Variants in FAM184A observed in about 807,000 individuals in gnomAD.
FAM184A encodes protein FAM184A.
In FAM184A, 99 loss-of-function variants were observed where a neutral mutation model predicts 143.8. The observed-to-expected ratio is 0.69, with a 90% CI of 0.58 to 0.81. The LOEUF (loss-of-function observed/expected upper bound fraction) is 0.81, where lower values mean the gene tolerates loss of function less well. Among genes scored for constraint, FAM184A ranks in the 40% least tolerant of loss-of-function variants. The pLI, the probability that FAM184A is intolerant of heterozygous loss-of-function variation, is 0.00. For missense variants in FAM184A, 1,217 were observed against 1,310.5 expected (o/e 0.93, Z 1.10); for synonymous variants, 427 against 446.4 (o/e 0.96, Z 0.55).
intron 1 of FAM184A, among the ~76,000 whole-genome samples, chr6:119,115,686 G>T (rs1194476915): frequency 6.6e-6 from 1 of 152,006 alleles, no homozygotes; most frequent in Non-Finnish European, 1.5e-5. Flanking sequence ...TATATGGCAG[G>T]GTGTGGTGGC....
In FAM184A at chr6:119,051,592, G is replaced by A. The variant is rs1408947445; in HGVS notation, c.159+26549C>T. On this transcript the variant is annotated intron_variant, in intron 1 of 17. Transcript: ENST00000338891. ...ATAGATACTCCATTTTCATTGACAT[G>A]CTTATTTCATATTGCATCAAAACAT... 2.6e-5 allele frequency among the ~76,000 whole-genome samples: 4 copies of A among 152,046 alleles called. 1 individual carries two copies. The South Asian group carries it at 8.3e-4, about 32-fold the overall frequency.
intron 5 of FAM184A, among the ~76,000 whole-genome samples, chr6:119,014,830 G>A (rs1175348817): frequency 6.6e-6 from 1 of 152,100 alleles, no homozygotes; most frequent in African/African-American, 2.4e-5. Context: ...AGGCTGAGGT[G>A]GGAGGATCAC....
In FAM184A at chr6:118,964,646, TAC is replaced by T; in HGVS notation, c.3138+19_3138+20del. 1 of 1,348,356 alleles carries T rather than the reference TAC, an allele frequency of 7.4e-7. No homozygotes were observed. Among genetic ancestry groups the T allele is most frequent in the East Asian group, 2.3e-5 (1 of 43,350 alleles). 83.5% of individuals were successfully genotyped at this position (1,348,356 alleles called of 1,614,324 possible). On this transcript the variant is annotated intron_variant, in intron 16 of 17. Transcript: ENST00000338891. ...CAACTTTTAAACCACATTCCTATTC[TAC>T]AGTGTTTACGGCACATACCTTAGCC...
intron 9 of FAM184A, among the ~76,000 whole-genome samples, chr6:118,984,833 T>G (rs752590662): frequency 6.6e-6 from 1 of 152,242 alleles, no homozygotes; most frequent in Non-Finnish European, 1.5e-5. Flanking sequence ...ATAAAGACAG[T>G]TGCCTGTGCC....
Position 119,011,298 on chromosome 6 carries a change from A to C in FAM184A, c.1653+11T>G. 6.2e-7 allele frequency: 1 copy of C among 1,606,672 alleles called. No homozygotes were observed. The highest frequency in any genetic ancestry group is 8.5e-7 in the Non-Finnish European group (1 of 1,176,646). On this transcript the variant is annotated intron_variant, in intron 6 of 17. Transcript: ENST00000338891. ...TCTATAACATAGGCAACAGGTCTAA[A>C]GAATTCTTGCCTCTTGATTGGCTGT...
intron 17 of FAM184A, chr6:118,960,713 T>C (rs1426601796): frequency 4.4e-6 from 4 of 910,206 alleles, no homozygotes; most frequent in Non-Finnish European, 6.4e-6. Context: ...TTTATACTTT[T>C]CTTAATTCTA....
In FAM184A at chr6:119,003,765, G is replaced by T; in HGVS notation, c.1816-143C>A. On this transcript the variant is annotated intron_variant, in intron 7 of 17. Coordinates refer to ENST00000338891, the MANE Select transcript of FAM184A (RefSeq NM_024581.6). ...ACTTGATAATGCTATCTGTGAAAATGACTCAAGATTTTCTGAAAATAAAAT... is the reference window on the plus strand; with the variant it reads ...ACTTGATAATGCTATCTGTGAAAATTACTCAAGATTTTCTGAAAATAAAAT... 3 of 743,426 alleles carry T rather than the reference G, an allele frequency of 4.0e-6. No homozygotes were observed. The South Asian group carries it at 1.4e-4, about 34-fold the overall frequency. The allele number at this position is 743,426 out of a possible 1,614,324, so 46.1% of individuals were successfully genotyped here.
chr6:119,107,289 T>C (rs1460849600), intron 1 of FAM184A, among the ~76,000 whole-genome samples: 1 of 152,060 alleles, frequency 6.6e-6, no homozygotes. Flanking sequence ...AATGTTATTC[T>C]GAAAAAAAAG....
At chr6:119,103,788 A>T (rs13196453) in intron 1 of FAM184A, among the ~76,000 whole-genome samples, 56,643 of 151,424 alleles carry the variant, frequency 0.37, 12,482 homozygotes, top group East Asian at 0.56. Context: ...TTAGCCAGGC[A>T]TGGTGGCACG....
At position 119,059,558 on chromosome 6, in the gene FAM184A, AT is replaced by A. The variant is rs1315513112; in HGVS notation, c.159+18582del. ...TTTCCCAGGGCTTGGTTTCCAACTT[AT>A]TTGTTTTAAAAGCTTCTTTCTTAAC... On this transcript the variant is annotated intron_variant, in intron 1 of 17. Coordinates refer to ENST00000338891, the MANE Select transcript of FAM184A (RefSeq NM_024581.6). 5.9e-5 allele frequency among the ~76,000 whole-genome samples: 9 copies of A among 152,150 alleles called. No individual in the cohort carries two copies. The East Asian group carries it at 1.7e-3, about 29-fold the overall frequency.
At chr6:119,059,138 C>G (rs1343803904) in intron 1 of FAM184A, among the ~76,000 whole-genome samples, 1 of 151,754 alleles carries the variant, frequency 6.6e-6, no homozygotes, top group African/African-American at 2.4e-5. Context: ...CCACCACACT[C>G]AGATAATTTT....
At position 118,974,511 on chromosome 6, in the gene FAM184A, G is replaced by T. The variant is rs935404398; in HGVS notation, c.2832C>A (p.His944Gln). 3 of 1,612,010 alleles carry T rather than the reference G, an allele frequency of 1.9e-6. No homozygotes were observed. The African/African-American group carries it at 4.0e-5, about 22-fold the overall frequency. Residue 944 changes from histidine (H) to glutamine (Q), a missense_variant, in exon 14 of 18, where the codon CAC becomes CAA. Transcript: ENST00000338891. ...EKELDVMTAD[H>Q]LREKNIMRAD... ...CCCGCATGATATTTTTCTCTCTGAG[G>T]TGGTCTGCTGTCATGACATCCAACT...
At position 119,024,561 on chromosome 6, in the gene FAM184A, C is replaced by T. The variant is rs757455895; in HGVS notation, c.412G>A (p.Asp138Asn). ...EFEAYKHRVE[D>N]MQLCAEAQHV... ...TGGGCTTCTGCACAAAGTTGCATGTCCTCAACTCTGTGCTTATAAGCTTCA... is the reference window on the plus strand; with the variant it reads ...TGGGCTTCTGCACAAAGTTGCATGTTCTCAACTCTGTGCTTATAAGCTTCA... Residue 138 changes from aspartate (D) to asparagine (N), a missense_variant, in exon 2 of 18, where the codon GAC (aspartate) becomes AAC (asparagine). By Grantham distance (23) the Asp-to-Asn change is conservative (BLOSUM62 1). Transcript: ENST00000338891. 2 of 1,614,166 alleles carry T rather than the reference C, an allele frequency of 1.2e-6. No homozygotes were observed. The highest frequency in any genetic ancestry group is 1.1e-5 in the South Asian group (1 of 91,064).
chr6:119,134,676 GAAAT>G (rs1789616952), intron 1 of FAM184A, among the ~76,000 whole-genome samples: 1 of 146,954 alleles, frequency 6.8e-6, no homozygotes, highest in East Asian at 2.0e-4. Context: ...AAAAGAGAAA[GAAAT>G]AAAAAAAGAA....
At position 119,087,040 on chromosome 6, in the gene FAM184A, T is replaced by C. The variant is rs1788241289; in HGVS notation, c.-202+62038A>G. On this transcript the variant is annotated intron_variant, in intron 1 of 16. Transcript: ENST00000352896. ...GCTCCTAGCACACGATACATGGTTA[T>C]AAAATTAAGTAAAATTTACAAAAAT... Among the ~76,000 whole-genome samples, 3 of 152,194 alleles carry C rather than the reference T, an allele frequency of 2.0e-5. No individual in the cohort carries two copies. The South Asian group carries it at 6.2e-4, about 32-fold the overall frequency.
At chr6:118,982,656 G>C (rs1035435558) in intron 9 of FAM184A, among the ~76,000 whole-genome samples, 2 of 152,150 alleles carry the variant, frequency 1.3e-5, no homozygotes, top group African/African-American at 4.8e-5. Context: ...TCAATTAGTA[G>C]GAAACCAATC....
intron 1 of FAM184A, among the ~76,000 whole-genome samples, chr6:119,134,925 G>A (rs570159165): frequency 1.3e-5 from 2 of 152,264 alleles, no homozygotes; most frequent in Admixed American, 6.5e-5. Flanking sequence ...CTATAACCAT[G>A]TCCAGAAATT....
intron 1 of FAM184A, among the ~76,000 whole-genome samples, chr6:119,087,776 C>A (rs184968909): frequency 4.6e-5 from 7 of 152,258 alleles, no homozygotes; most frequent in African/African-American, 1.7e-4. Context: ...AAAGCAAAGA[C>A]TTGAAAAGAT....
At chr6:118,969,993 A>ATAT (rs1189865476) in intron 14 of FAM184A, among the ~76,000 whole-genome samples, 1 of 24,376 alleles carries the variant, frequency 4.1e-5, no homozygotes, top group Non-Finnish European at 7.8e-5. Context: ...ATATATATAT[A>ATAT]ATATATATAT....
Sources: gnomAD v4.1 joint callset for allele counts (sites outside exome capture counted in the v4.1 genomes callset) on GRCh38, gnomAD v4.1.1 for gene constraint, MANE v1.5 for transcripts, NCBI Gene and HGNC (gene_info 2026-07-23, HGNC 2026-07-21) for gene names.